Variants in TRAK1 observed in about 807,000 individuals in gnomAD.
TRAK1 encodes trafficking kinesin protein 1.
TRAK1 carries 33 observed loss-of-function variants against 92.1 expected under a neutral mutation model. The ratio of observed to expected loss-of-function variants is 0.36; its 90% CI spans 0.27 to 0.48. TRAK1 has a LOEUF of 0.48. Ranked by LOEUF, TRAK1 falls within the 20% of genes least tolerant of loss-of-function variation. The probability of loss-of-function intolerance (pLI) is 0.99; values close to 1 mark genes in which losing one functional copy is unlikely to be tolerated. For missense variants in TRAK1, 1,123 were observed against 1,257.9 expected (o/e 0.89, Z 1.62); for synonymous variants, 521 against 517.3 (o/e 1.01, Z -0.10).
chr3:42,043,546 G>A (rs902874324), intron 1 of TRAK1, among the ~76,000 whole-genome samples: 22 of 150,326 alleles, frequency 1.5e-4, no homozygotes, highest in African/African-American at 4.9e-4. Flanking sequence ...TCTGATGGAT[G>A]TTGTCTTTGG....
In TRAK1 at chr3:42,079,474, C is replaced by T. The variant is rs574710146; in HGVS notation, c.-518-7630C>T. Among the ~76,000 whole-genome samples the T allele has an allele frequency of 5.9e-3, 788 of 133,960 alleles. 8 individuals are homozygous for T. Among genetic ancestry groups the T allele is most frequent in the Middle Eastern group, 9.1e-3 (2 of 220 alleles). The allele number at this position is 133,960 out of a possible 152,430, so 87.9% of individuals were successfully genotyped here. A position where few individuals can be genotyped will look rare whatever the true frequency, so the allele number is the denominator to read the frequency against. On this transcript the variant is annotated intron_variant, in intron 1 of 16. Coordinates refer to the TRAK1 transcript ENST00000487159. ...GAGTTTGTCGTGAAGGAAGCTCCTT[C>T]TTCTTTTTTTTTTTTTTTTGTTTTG...
chr3:42,052,015 G>A lies in TRAK1; in HGVS notation c.-518-35089G>A, dbSNP rs1471263856. Among the ~76,000 whole-genome samples, 7 of 152,182 alleles carry A rather than the reference G, an allele frequency of 4.6e-5. No individual in the cohort carries two copies. The East Asian group carries it at 9.6e-4, about 21-fold the overall frequency. ...CCTTTGTGATATGACAGCTTAGCAT[G>A]TGACCAGCTTTTGAATGATTAAATC... On this transcript the variant is annotated intron_variant, in intron 1 of 16. Transcript: ENST00000487159.
intron 1 of TRAK1, among the ~76,000 whole-genome samples, chr3:42,015,413 C>T (rs963946251): frequency 2.0e-5 from 3 of 152,010 alleles, no homozygotes; most frequent in Non-Finnish European, 2.9e-5. Flanking sequence ...CCCCAGCGCT[C>T]GCTTGAGGGT....
chr3:42,209,728 C>T, intron 13 of TRAK1, 39 bp from the exon 14 acceptor site: 1 of 1,588,730 alleles, frequency 6.3e-7, no homozygotes. Context: ...ACCCTCTCTT[C>T]TCCTTGTCCC....
intron 14 of TRAK1, among the ~76,000 whole-genome samples, chr3:42,213,966 G>A (rs900462865): frequency 2.0e-5 from 3 of 152,108 alleles, no homozygotes; most frequent in Non-Finnish European, 2.9e-5. Context: ...GTGCTCTGCC[G>A]TCAGAATATA....
rs1159958308 is a variant in TRAK1, at chr3:42,073,690, A to G, written c.-518-13414A>G. ...CCTGGCATTGTTGCTGTAAACCTGC[A>G]ACTCATCTCCTCATCTCCCACCTGT... is the stretch of plus-strand genomic sequence containing the variant. On this transcript the variant is annotated intron_variant, in intron 1 of 16. Transcript: ENST00000487159. Among the ~76,000 whole-genome samples, 26 of 152,156 alleles carry G rather than the reference A, an allele frequency of 1.7e-4. 1 individual carries two copies. Among genetic ancestry groups the G allele is most frequent in the Admixed American group, 1.7e-3 (26 of 15,274 alleles).
chr3:42,114,273 G>T (rs116992132), intron 1 of TRAK1, among the ~76,000 whole-genome samples: 1 of 152,294 alleles, frequency 6.6e-6, no homozygotes, highest in East Asian at 1.9e-4. Context: ...AAGAACACGG[G>T]TGTATAAATA....
chr3:42,097,112 C>T (rs1287383035), intron 1 of TRAK1, among the ~76,000 whole-genome samples: 2 of 152,190 alleles, frequency 1.3e-5, no homozygotes, highest in African/African-American at 2.4e-5. Flanking sequence ...CTTTTCTCCT[C>T]AGTAATCTAT....
At chr3:42,014,066 G>GC (rs147400998) in exon 1 of TRAK1, 18,283 of 151,652 alleles carry the variant, frequency 0.12, 1,430 homozygotes, top group East Asian at 0.28. Flanking sequence ...CCCCACCGAG[G>GC]CCCCCCGGCA....
intron 2 of TRAK1, among the ~76,000 whole-genome samples, chr3:42,144,967 A>G (rs964170300): frequency 3.9e-5 from 6 of 152,268 alleles, no homozygotes; most frequent in South Asian, 2.1e-4. Context: ...TTCTATGTCT[A>G]TTATATTTAA....
chr3:42,106,612 T>A (rs1707605159), intron 1 of TRAK1, among the ~76,000 whole-genome samples: 1 of 152,258 alleles, frequency 6.6e-6, no homozygotes, highest in South Asian at 2.1e-4. Context: ...AATTACTTTT[T>A]AAAATTATAA....
intron 2 of TRAK1, among the ~76,000 whole-genome samples, chr3:42,137,918 T>G (rs1394948507): frequency 6.6e-6 from 1 of 152,246 alleles, no homozygotes. Context: ...GCATTAAATA[T>G]TTTATGGTTC....
At chr3:42,167,915 A>G (rs1200454714) in intron 2 of TRAK1, among the ~76,000 whole-genome samples, 3 of 152,122 alleles carry the variant, frequency 2.0e-5, no homozygotes, top group African/African-American at 7.2e-5. Context: ...AAAACCAAGT[A>G]ATGTGTGTCT....
At chr3:42,139,428 C>G (rs1020660893) in intron 2 of TRAK1, among the ~76,000 whole-genome samples, 1 of 152,188 alleles carries the variant, frequency 6.6e-6, no homozygotes, top group Non-Finnish European at 1.5e-5. Flanking sequence ...TGCCTCCACC[C>G]AGGTGTGGGC....
chr3:42,113,387 C>CTACCCCTACCT (rs1708738002), intron 1 of TRAK1, among the ~76,000 whole-genome samples: 1 of 57,896 alleles, frequency 1.7e-5, no homozygotes, highest in Non-Finnish European at 4.1e-5. Flanking sequence ...TACCCCTACC[C>CTACCCCTACCT]CTACCCCTAC....
intron 2 of TRAK1, among the ~76,000 whole-genome samples, chr3:42,160,743 T>C (rs185861004): frequency 8.5e-5 from 13 of 152,282 alleles, no homozygotes; most frequent in Non-Finnish European, 1.6e-4. Context: ...ATGACTTCTG[T>C]CACCTTAGAT....
At chr3:42,023,744 GTTTTTT>G (rs780080581) in intron 1 of TRAK1, among the ~76,000 whole-genome samples, 43 of 99,050 alleles carry the variant, frequency 4.3e-4, no homozygotes, top group African/African-American at 1.9e-3. Context: ...GCTCGTGAGG[GTTTTTT>G]TTTTTTTTTT....
intron 1 of TRAK1, among the ~76,000 whole-genome samples, chr3:42,105,635 C>G (rs1707431672): frequency 6.6e-6 from 1 of 152,132 alleles, no homozygotes; most frequent in African/African-American, 2.4e-5. Context: ...CCTAGCGAGG[C>G]AGGCCAACAT....
chr3:42,045,837 C>T (rs985787298), intron 1 of TRAK1, among the ~76,000 whole-genome samples: 2 of 152,310 alleles, frequency 1.3e-5, no homozygotes, highest in African/African-American at 4.8e-5. Flanking sequence ...GACTCTTTTA[C>T]CTGGGATGGT....
Sources: allele counts gnomAD v4.1 joint callset (sites outside exome capture counted in the v4.1 genomes callset), GRCh38; gene constraint gnomAD v4.1.1; transcripts MANE v1.5; gene names NCBI Gene and HGNC (gene_info 2026-07-23, HGNC 2026-07-21).